Variants in AMBN observed in about 807,000 individuals in gnomAD.
The protein encoded by AMBN is ameloblastin, also known as enamel matrix protein.
A neutral mutation model predicts 48.0 loss-of-function variants in AMBN; 54 were observed. The observed-to-expected ratio is 1.12, with a 90% CI of 0.90 to 1.41. The LOEUF is 1.41. Ranked by LOEUF, AMBN falls within the 40% of genes most tolerant of loss-of-function variation. The pLI is 0.00. For missense variants in AMBN, 571 were observed against 547.3 expected, an observed-to-expected ratio of 1.04 and a Z score of -0.43; for synonymous variants, 186 against 190.0, an observed-to-expected ratio of 0.98 and a Z score of 0.17.
chr4:70,593,398 A>G lies in AMBN; in HGVS notation c.84+3A>G, dbSNP rs1198783667. 1.2e-6 allele frequency: 2 copies of G among 1,608,940 alleles called. No homozygotes were observed. The highest frequency in any genetic ancestry group is 3.3e-5 in the Admixed American group (2 of 59,966). On this transcript the variant is annotated splice_donor_region_variant and intron_variant, in intron 2 of 12. Coordinates refer to ENST00000322937, the MANE Select transcript of AMBN (RefSeq NM_016519.6). ...TGGAAATGAGTTTTGCAGTGCCGGTAAGTCAGTCTTTAGAGTGTGTCCCAG... is the reference window on the plus strand; with the variant it reads ...TGGAAATGAGTTTTGCAGTGCCGGTGAGTCAGTCTTTAGAGTGTGTCCCAG...
intron 2 of AMBN, 140 bp from the exon 3 acceptor site, chr4:70,596,859 C>A (rs1382007609): frequency 8.9e-6 from 5 of 560,976 alleles, no homozygotes; most frequent in East Asian, 8.6e-5. Flanking sequence ...TCTGCCCAAG[C>A]ACTCAAGTCA....
Position 70,601,427 on chromosome 4 carries a change from T to A in AMBN, c.304T>A (p.Ser102Thr). The A allele has an allele frequency of 6.2e-7, 1 of 1,613,986 alleles. No individual in the cohort carries two copies. The highest frequency in any genetic ancestry group is 1.1e-5 in the South Asian group (1 of 91,074). Residue 102 changes from serine to threonine, a missense_variant, in exon 6 of 13, where the codon TCT becomes ACT. By Grantham distance (58) the Ser-to-Thr change is moderately conservative. Transcript: ENST00000322937. Reference protein sequence around the residue: ...REHETQQYEYSLPVHPPPLPS... With the variant: ...REHETQQYEYTLPVHPPPLPS... ...TCAAATTTCTCTGCAGTATGAATAT[T>A]CTTTGCCTGTGCATCCCCCACCTCT... is the stretch of plus-strand genomic sequence containing the variant.
chr4:70,598,288 C>A, intron 3 of AMBN, 68 bp from the exon 4 acceptor site: 1 of 1,103,462 alleles, frequency 9.1e-7, no homozygotes, highest in Non-Finnish European at 1.3e-6. Context: ...TGTCAAATAT[C>A]ATGAGAAATC....
At chr4:70,597,420 T>A (rs1737411792) in intron 3 of AMBN, among the ~76,000 whole-genome samples, 1 of 152,136 alleles carries the variant, frequency 6.6e-6, no homozygotes, top group Admixed American at 6.6e-5. Context: ...AAAGTTCTCA[T>A]GAAAAATTTT....
chr4:70,593,485 C>A, intron 2 of AMBN, 90 bp downstream of exon 2: 1 of 1,067,178 alleles, frequency 9.4e-7, no homozygotes, highest in Non-Finnish European at 1.4e-6. Flanking sequence ...AGAGTCCACG[C>A]ATAGACTCAC....
In AMBN at chr4:70,607,001, C is replaced by T. The variant is rs1302976690; in HGVS notation, c.*271C>T. The T allele has an allele frequency of 2.7e-6, 1 of 373,082 alleles. No individual in the cohort carries two copies. 23.1% of individuals were successfully genotyped at this position (373,082 alleles called of 1,614,324 possible). On this transcript the variant is annotated 3_prime_UTR_variant, in exon 13 of 13. Coordinates refer to ENST00000322937, the MANE Select transcript of AMBN (RefSeq NM_016519.6). ...GGTTCTAAGGGTCTCAGCATTTGAT[C>T]ATCACTTTTTCTTAGCTGTCTTAAG...
At chr4:70,593,031 T>A (rs1245373760) in intron 1 of AMBN, among the ~76,000 whole-genome samples, 3 of 152,218 alleles carry the variant, frequency 2.0e-5, no homozygotes, top group Admixed American at 1.3e-4. Flanking sequence ...ATTCACTTTA[T>A]GAAATGAAAT....
intron 6 of AMBN, 44 bp downstream of exon 6, chr4:70,601,698 C>A: frequency 6.4e-7 from 1 of 1,574,506 alleles, no homozygotes; most frequent in South Asian, 1.1e-5. Flanking sequence ...ACCAGCTAAC[C>A]TAATAGAAGA....
intron 2 of AMBN, among the ~76,000 whole-genome samples, chr4:70,594,404 T>C (rs953149379): frequency 6.6e-6 from 1 of 152,224 alleles, no homozygotes; most frequent in Admixed American, 6.5e-5. Context: ...AGCAAATATG[T>C]TGAGCAGCTG....
chr4:70,601,908 G>T, intron 6 of AMBN: 1 of 586,636 alleles, frequency 1.7e-6, no homozygotes, highest in Non-Finnish European at 3.2e-6. Flanking sequence ...TCTTAGTTGC[G>T]AAAGATGAAA....
intron 4 of AMBN, among the ~76,000 whole-genome samples, chr4:70,599,181 G>C (rs774386756): frequency 6.6e-6 from 1 of 151,982 alleles, no homozygotes; most frequent in Non-Finnish European, 1.5e-5. Flanking sequence ...AGTGGCTCAC[G>C]CCTGTAATTC....
chr4:70,599,445 A>G, intron 4 of AMBN, 91 bp from the exon 5 acceptor site: 1 of 1,030,282 alleles, frequency 9.7e-7, no homozygotes, highest in Non-Finnish European at 1.4e-6. Context: ...ATCTCAAAAA[A>G]AAAAAGAAAA....
chr4:70,599,312 G>A (rs1040959921), intron 4 of AMBN, among the ~76,000 whole-genome samples: 4 of 151,798 alleles, frequency 2.6e-5, no homozygotes, highest in African/African-American at 4.8e-5. Context: ...ATGGTGGTGC[G>A]TGCCTGTAGA....
At chr4:70,593,470 G>T in intron 2 of AMBN, 75 bp downstream of exon 2, 1 of 1,262,492 alleles carries the variant, frequency 7.9e-7, no homozygotes, top group South Asian at 1.2e-5. Flanking sequence ...AAGGGATATG[G>T]ACTGAGAGTC....
chr4:70,596,202 C>T (rs746356236), intron 2 of AMBN, among the ~76,000 whole-genome samples: 115 of 151,378 alleles, frequency 7.6e-4, no homozygotes, highest in Non-Finnish European at 1.1e-3. Flanking sequence ...ATCACTTGAA[C>T]CCAGCAGGCA....
intron 12 of AMBN, among the ~76,000 whole-genome samples, chr4:70,604,197 C>T (rs751432137): frequency 4.6e-5 from 7 of 152,064 alleles, no homozygotes; most frequent in East Asian, 1.9e-4. Context: ...CTTGAAAGGC[C>T]GTCATTGAAC....
chr4:70,596,317 A>G (rs1737384928), intron 2 of AMBN, among the ~76,000 whole-genome samples: 1 of 152,154 alleles, frequency 6.6e-6, no homozygotes, highest in Admixed American at 6.6e-5. Context: ...TACATTTTAA[A>G]AAGCTAATTG....
chr4:70,606,083 C>A, intron 12 of AMBN, 102 bp from the exon 13 acceptor site: 1 of 1,365,006 alleles, frequency 7.3e-7, no homozygotes, highest in Non-Finnish European at 1.0e-6. Flanking sequence ...CTATTCTCCA[C>A]CAGTTTTTTA....
In AMBN at chr4:70,599,523, T is replaced by C. The variant is rs141858427; in HGVS notation, c.184-13T>C. The C allele has an allele frequency of 1.2e-5, 18 of 1,548,942 alleles. No individual in the cohort carries two copies. In the Middle Eastern group the frequency reaches 5.1e-4, roughly 44 times the overall value. ...TTAAATATAAGCATGTCTTTTTTTA[T>C]CCATGTCTTTAGTATTCTAGATACG... is the stretch of plus-strand genomic sequence containing the variant. On this transcript the variant is annotated splice_polypyrimidine_tract_variant and intron_variant, in intron 4 of 12. Transcript: ENST00000322937.
Sources: gnomAD v4.1 joint callset for allele counts (sites outside exome capture counted in the v4.1 genomes callset) on GRCh38, gnomAD v4.1.1 for gene constraint, MANE v1.5 for transcripts, NCBI Gene and HGNC (gene_info 2026-07-23, HGNC 2026-07-21) for gene names.